RPN1: variants seen among roughly 807,000 people sequenced by gnomAD.
The protein encoded by RPN1 is ribophorin I.
Under a neutral mutation model 55.5 loss-of-function variants are expected in RPN1, and 12 were observed. The ratio of observed to expected loss-of-function variants is 0.22; its 90% CI spans 0.14 to 0.35. The LOEUF is 0.35. Among genes scored for constraint, RPN1 ranks in the 10% least tolerant of loss-of-function variants. The pLI is 1.00. For missense variants in RPN1, 679 were observed against 761.3 expected, an observed-to-expected ratio of 0.89 and a Z score of 1.27; for synonymous variants, 317 against 305.9, an observed-to-expected ratio of 1.04 and a Z score of -0.38.
At chr3:128,626,677 C>T in intron 6 of RPN1, 56 bp downstream of exon 6, 1 of 1,499,816 alleles carries the variant, frequency 6.7e-7, no homozygotes, top group South Asian at 1.1e-5. Flanking sequence ...CCTTAGGGTA[C>T]CACAAGGGTA....
chr3:128,644,795 C>CA (rs146448705), intron 2 of RPN1, 124 bp downstream of exon 2: 24,152 of 480,036 alleles, frequency 0.05, 119 homozygotes, highest in African/African-American at 0.09. Flanking sequence ...CTCCTCTCTA[C>CA]AAAAAAAAAA....
In RPN1 at chr3:128,647,783, G is replaced by A. The variant is rs556377684; in HGVS notation, c.261+2757C>T. 8.6e-5 allele frequency among the ~76,000 whole-genome samples: 13 copies of A among 151,250 alleles called. No homozygotes were observed. The South Asian group carries it at 1.5e-3, about 17-fold the overall frequency. ...GTTATACAGACTTATTTGTTTTATT[G>A]AAAAATATTGTTACTTAATAAAATA... On this transcript the variant is annotated intron_variant, in intron 1 of 9. Transcript: ENST00000296255.
intron 2 of RPN1, among the ~76,000 whole-genome samples, chr3:128,639,098 T>A (rs557126702): frequency 6.6e-6 from 1 of 152,178 alleles, no homozygotes; most frequent in African/African-American, 2.4e-5. Flanking sequence ...TGGAAAGATG[T>A]CCATGTACAA....
intron 1 of RPN1, among the ~76,000 whole-genome samples, chr3:128,646,455 G>A (rs1462220462): frequency 6.6e-6 from 1 of 151,716 alleles, no homozygotes; most frequent in Admixed American, 6.6e-5. Flanking sequence ...GGCAGAGGAG[G>A]GGTGCGGATC....
intron 2 of RPN1, among the ~76,000 whole-genome samples, chr3:128,643,328 C>CAA (rs112467322): frequency 6.7e-5 from 7 of 105,190 alleles, no homozygotes; most frequent in Non-Finnish European, 8.1e-5. Flanking sequence ...ACTCCATCTC[C>CAA]AAAAAAAAAA....
intron 2 of RPN1, chr3:128,640,966 C>G (rs1362009633): frequency 2.0e-5 from 3 of 152,190 alleles, no homozygotes; most frequent in African/African-American, 7.2e-5. Flanking sequence ...AAATCAGAAC[C>G]TTTCAGCACT....
rs2069809382 is a variant in RPN1, at chr3:128,650,483, C to A, written c.261+57G>T. On this transcript the variant is annotated intron_variant, in intron 1 of 9. Transcript: ENST00000296255. ...GGCGCGGGCGGAGTCGGGGGACCGCCAGGAAGGGAGGCGGGAAGGGTCCCG... is the reference window on the plus strand; with the variant it reads ...GGCGCGGGCGGAGTCGGGGGACCGCAAGGAAGGGAGGCGGGAAGGGTCCCG... 5 of 1,477,036 alleles carry A rather than the reference C, an allele frequency of 3.4e-6. No individual in the cohort carries two copies. The South Asian group carries it at 6.5e-5, about 19-fold the overall frequency. 91.5% of individuals were successfully genotyped at this position (1,477,036 alleles called of 1,614,324 possible). A position where few individuals can be genotyped will look rare whatever the true frequency, so the allele number is the denominator to read the frequency against.
intron 5 of RPN1, among the ~76,000 whole-genome samples, chr3:128,627,879 C>T (rs2069611410): frequency 1.3e-5 from 2 of 152,364 alleles, no homozygotes; most frequent in South Asian, 2.1e-4. Flanking sequence ...AAAAACGAAC[C>T]AGGAGACTGC....
chr3:128,623,263 G>T (rs1325847058), intron 8 of RPN1, among the ~76,000 whole-genome samples: 1 of 152,126 alleles, frequency 6.6e-6, no homozygotes, highest in Non-Finnish European at 1.5e-5. Flanking sequence ...TTGGCCAGGT[G>T]CAGTGGCTCA....
chr3:128,629,484 C>A (rs1403543374), intron 5 of RPN1, among the ~76,000 whole-genome samples: 1 of 151,970 alleles, frequency 6.6e-6, no homozygotes, highest in Admixed American at 6.6e-5. Context: ...ATCGCTTGAA[C>A]CAGGAGGTGG....
intron 5 of RPN1, among the ~76,000 whole-genome samples, chr3:128,628,617 T>C (rs975704879): frequency 6.6e-6 from 1 of 151,306 alleles, no homozygotes; most frequent in Non-Finnish European, 1.5e-5. Context: ...GTTTTCACCA[T>C]GTTGCCCCGG....
intron 3 of RPN1, among the ~76,000 whole-genome samples, chr3:128,635,652 T>G (rs781265459): frequency 0.53 from 45,844 of 86,586 alleles, 8,587 homozygotes; most frequent in Middle Eastern, 0.61. Flanking sequence ...TATATATATA[T>G]ATATATATAT....
intron 3 of RPN1, among the ~76,000 whole-genome samples, chr3:128,633,647 G>GT (rs1202400872): frequency 1.3e-5 from 2 of 152,128 alleles, no homozygotes; most frequent in African/African-American, 4.8e-5. Flanking sequence ...GAAAAAAACT[G>GT]TTTAACTATA....
chr3:128,622,243 G>A lies in RPN1; in HGVS notation c.1562C>T (p.Thr521Ile). The change falls in exon 9 of 10, where the codon ACT becomes ATT. Residue 521 changes from threonine to isoleucine, a missense_variant. Physicochemically the swap from Thr to Ile is moderately conservative, Grantham distance 89. This residue lies in a region of RPN1 where 306 missense variants were observed against 360.0 expected (regional missense o/e 0.85). Coordinates refer to ENST00000296255, the MANE Select transcript of RPN1 (RefSeq NM_002950.4). ...TLNSGKKSLE[T>I]EHKALTSEIA... Reference sequence around the variant, plus strand: ...CTCACTGGTCAAGGCCTTGTGTTCAGTCTCCAGGCTCTTCTTGCCACTGTT... The same window carrying A: ...CTCACTGGTCAAGGCCTTGTGTTCAATCTCCAGGCTCTTCTTGCCACTGTT... The A allele has an allele frequency of 6.2e-7, 1 of 1,614,204 alleles. No individual in the cohort carries two copies. Among genetic ancestry groups the A allele is most frequent in the Non-Finnish European group, 8.5e-7 (1 of 1,179,976 alleles).
At chr3:128,626,154 G>A (rs1422335654) in intron 6 of RPN1, 142 bp from the exon 7 acceptor site, 6 of 812,154 alleles carry the variant, frequency 7.4e-6, no homozygotes, top group Admixed American at 3.1e-5. Flanking sequence ...CTCAGCTATG[G>A]AGAACACCCA....
chr3:128,632,254 C>A, intron 3 of RPN1, 97 bp from the exon 4 acceptor site: 2 of 1,060,836 alleles, frequency 1.9e-6, no homozygotes, highest in Non-Finnish European at 2.8e-6. Context: ...ATATCAGCAA[C>A]AGAACGGGTA....
Position 128,650,570 on chromosome 3 carries a change from G to C in RPN1, c.231C>G (p.Leu77=), listed in dbSNP as rs1298915574. The change falls in exon 1 of 10, where the codon CTC becomes CTG. Residue 77 remains leucine, a synonymous_variant. Coordinates refer to ENST00000296255, the MANE Select transcript of RPN1 (RefSeq NM_002950.4). ...TSFLLALEPE[L]EARLAHLGVQ... is the part of the protein sequence containing the mutation. ...CGCCCAGGTGCGCCAGCCGGGCCTC[G>C]AGCTCAGGCTCCAAAGCCAGCAGGA... The C allele has an allele frequency of 1.3e-6, 2 of 1,546,210 alleles. No individual in the cohort carries two copies. Among genetic ancestry groups the C allele is most frequent in the Non-Finnish European group, 1.7e-6 (2 of 1,145,860 alleles).
chr3:128,643,720 G>A (rs1023568250), intron 2 of RPN1, among the ~76,000 whole-genome samples: 3 of 151,504 alleles, frequency 2.0e-5, no homozygotes, highest in Admixed American at 6.6e-5. Flanking sequence ...ACTTGAACCC[G>A]GGAGGAGGAG....
intron 1 of RPN1, among the ~76,000 whole-genome samples, chr3:128,645,982 C>G (rs1301379487): frequency 2.0e-5 from 3 of 152,122 alleles, no homozygotes; most frequent in African/African-American, 7.2e-5. Flanking sequence ...CAGTGGCTCA[C>G]ACCTGTAATC....
Sources: allele counts gnomAD v4.1 joint callset (sites outside exome capture counted in the v4.1 genomes callset), GRCh38; gene constraint gnomAD v4.1.1; regional missense constraint gnomAD v4.1.1; transcripts MANE v1.5; gene names NCBI Gene and HGNC (gene_info 2026-07-23, HGNC 2026-07-21).